BRSK2: variants seen among roughly 807,000 people sequenced by gnomAD.
BRSK2 encodes serine/threonine-protein kinase BRSK2.
A neutral mutation model predicts 83.3 loss-of-function variants in BRSK2; 19 were observed. The observed-to-expected ratio is 0.23, with a 90% CI of 0.16 to 0.33. The LOEUF is 0.33. BRSK2 is among the 10% of genes least tolerant of loss of function. The probability of loss-of-function intolerance (pLI) is 1.00; values close to 1 mark genes in which losing one functional copy is unlikely to be tolerated. For synonymous variants in BRSK2, 519 were observed against 435.4 expected, an observed-to-expected ratio of 1.19 and a Z score of -2.39; for missense variants, 798 against 1,042.3, an observed-to-expected ratio of 0.77 and a Z score of 3.23.
chr11:1,448,548 G>A (rs1466925844), intron 12 of BRSK2, among the ~76,000 whole-genome samples: 3 of 151,818 alleles, frequency 2.0e-5, no homozygotes, highest in South Asian at 2.1e-4. Context: ...CCTCCACCCC[G>A]GGGTTTCCAG....
chr11:1,416,927 A>G (rs1423586990), intron 1 of BRSK2, among the ~76,000 whole-genome samples: 2 of 152,082 alleles, frequency 1.3e-5, no homozygotes, highest in African/African-American at 4.8e-5. Context: ...TTGGGAGGTC[A>G]AGGAGGGCGG....
chr11:1,398,756 C>T (rs1012654573), intron 1 of BRSK2, among the ~76,000 whole-genome samples: 1 of 152,048 alleles, frequency 6.6e-6, no homozygotes, highest in Admixed American at 6.5e-5. Flanking sequence ...CAGGCCCTGC[C>T]GGTGTGGCTT....
At chr11:1,392,001 G>A (rs1055827116) in intron 1 of BRSK2, among the ~76,000 whole-genome samples, 6 of 152,184 alleles carry the variant, frequency 3.9e-5, no homozygotes, top group Non-Finnish European at 7.3e-5. Context: ...CGTGCTGAGA[G>A]AGATATTTAG....
In BRSK2 at chr11:1,456,335, T is replaced by G. The variant is rs1162543773; in HGVS notation, c.1669-13T>G. 2.6e-6 allele frequency: 4 copies of G among 1,546,926 alleles called. No individual in the cohort carries two copies. The East Asian group carries it at 9.7e-5, about 38-fold the overall frequency. ...GCCAGGCCAGCCACGCTCACGCTGCTCTCTCTCCACAGATTCCCAGTCTCA... is the reference window on the plus strand; with the variant it reads ...GCCAGGCCAGCCACGCTCACGCTGCGCTCTCTCCACAGATTCCCAGTCTCA... On this transcript the variant is annotated splice_polypyrimidine_tract_variant and intron_variant, in intron 16 of 19. Coordinates refer to ENST00000528841, the MANE Select transcript of BRSK2 (RefSeq NM_001256627.2).
chr11:1,437,612 C>G (rs373194458), intron 2 of BRSK2, among the ~76,000 whole-genome samples: 1 of 152,200 alleles, frequency 6.6e-6, no homozygotes, highest in Non-Finnish European at 1.5e-5. Context: ...GGCACGTGCC[C>G]TGCCCACGGC....
chr11:1,434,570 G>C (rs1230984900), intron 1 of BRSK2, among the ~76,000 whole-genome samples: 7 of 134,320 alleles, frequency 5.2e-5, no homozygotes, highest in East Asian at 2.2e-4. Context: ...GCCGGCTCTG[G>C]GTGTCTGGGG....
rs563658060 is a variant in BRSK2, at chr11:1,423,170, G to A, written c.92-12870G>A. Among the ~76,000 whole-genome samples, 29 of 152,214 alleles carry A rather than the reference G, an allele frequency of 1.9e-4. No individual in the cohort carries two copies. Among genetic ancestry groups the A allele is most frequent in the Admixed American group, 2.6e-4 (4 of 15,292 alleles). ...AGGGCCTCCCCCAGAGCGGTGCCTC[G>A]TGGGGGATGCGGTGCCTCGTGGGGG... On this transcript the variant is annotated intron_variant, in intron 1 of 19. Transcript: ENST00000528841. The surrounding 1 kb of genome is among the most constrained non-coding windows in gnomAD (Gnocchi z 6.5).
In BRSK2 at chr11:1,445,725, G is replaced by A. The variant is rs374069041; in HGVS notation, c.1076-32G>A. ...CTGCACTGCCCCACCGGGGTCCGGG[G>A]GCTGTCTGGCCTGACCTTCGTCTGT... On this transcript the variant is annotated intron_variant, in intron 11 of 19. Transcript: ENST00000528841. 1.6e-5 allele frequency: 26 copies of A among 1,610,876 alleles called. No individual in the cohort carries two copies. In the African/African-American group the frequency reaches 2.1e-4, roughly 13 times the overall value.
chr11:1,440,441 C>T (rs1392112587), intron 3 of BRSK2, among the ~76,000 whole-genome samples: 1 of 152,084 alleles, frequency 6.6e-6, no homozygotes, highest in Non-Finnish European at 1.5e-5. Context: ...CGAGGCTACC[C>T]CATGCACCGA....
chr11:1,398,075 G>A (rs1399352349), intron 1 of BRSK2, among the ~76,000 whole-genome samples: 1 of 151,894 alleles, frequency 6.6e-6, no homozygotes, highest in Non-Finnish European at 1.5e-5. Flanking sequence ...GTCCAGCTGT[G>A]GGTGGTTTGC....
chr11:1,446,612 T>G (rs1852161781), intron 12 of BRSK2, among the ~76,000 whole-genome samples: 2 of 151,810 alleles, frequency 1.3e-5, no homozygotes, highest in Admixed American at 6.6e-5. Flanking sequence ...TCAGCAGTGA[T>G]GAGCAGACCC....
rs117201413 is a variant in BRSK2, at chr11:1,414,167, G to A, written c.92-21873G>A. 9.2e-5 allele frequency among the ~76,000 whole-genome samples: 14 copies of A among 152,338 alleles called. No homozygotes were observed. In the East Asian group the frequency reaches 2.3e-3, roughly 25 times the overall value. The stretch of plus-strand genomic sequence containing the variant: ...TTCTGTACGAACTAGGATTTGTGCT[G>A]GTCAAAAATACCACACCCCAAAGTT... On this transcript the variant is annotated intron_variant, in intron 1 of 19. Coordinates refer to ENST00000528841, the MANE Select transcript of BRSK2 (RefSeq NM_001256627.2).
intron 2 of BRSK2, 115 bp downstream of exon 2, chr11:1,436,249 G>GGGGGGGGGGGGGGGGGGGGGC: frequency 3.8e-6 from 1 of 265,874 alleles, no homozygotes; most frequent in Non-Finnish European, 6.5e-6. Flanking sequence ...TGGGGGGGCG[G>GGGGGGGGGGGGGGGGGGGGGC]GCCCTGCAGG....
intron 18 of BRSK2, among the ~76,000 whole-genome samples, chr11:1,458,407 G>A (rs750328337): frequency 6.6e-5 from 10 of 151,068 alleles, no homozygotes; most frequent in Non-Finnish European, 1.2e-4. Context: ...TGTGGACTTG[G>A]GGAGCCCAGC....
At chr11:1,397,829 G>A (rs1315512049) in intron 1 of BRSK2, among the ~76,000 whole-genome samples, 1 of 152,228 alleles carries the variant, frequency 6.6e-6, no homozygotes, top group Non-Finnish European at 1.5e-5. Flanking sequence ...CTTCTGGGAT[G>A]GAGCTGGGCT....
At chr11:1,455,240 G>A (rs563368583) in intron 16 of BRSK2, among the ~76,000 whole-genome samples, 29 of 152,144 alleles carry the variant, frequency 1.9e-4, no homozygotes, top group South Asian at 1.2e-3. Context: ...CCATCAGGAC[G>A]CCCCTTCCTT....
chr11:1,407,764 T>C (rs1846994913), intron 1 of BRSK2, among the ~76,000 whole-genome samples: 1 of 152,252 alleles, frequency 6.6e-6, no homozygotes, highest in South Asian at 2.1e-4. Context: ...CGTGATCAAC[T>C]GGCTCCGCTG....
intron 1 of BRSK2, among the ~76,000 whole-genome samples, chr11:1,391,023 C>G (rs1427297601): frequency 6.6e-6 from 1 of 152,184 alleles, no homozygotes; most frequent in Non-Finnish European, 1.5e-5. Flanking sequence ...TGGGACCTGA[C>G]CCGTGGAGCA....
rs374861632 is a variant in BRSK2, at chr11:1,436,095, C to A, written c.147C>A (p.Ile49=). The A allele has an allele frequency of 8.7e-6, 14 of 1,601,506 alleles. No homozygotes were observed. The highest frequency in any genetic ancestry group is 1.2e-5 in the Non-Finnish European group (14 of 1,175,046). The change falls in exon 2 of 20, where the codon ATC becomes ATA. Residue 49 remains isoleucine (I), a synonymous_variant. Coordinates refer to ENST00000528841, the MANE Select transcript of BRSK2 (RefSeq NM_001256627.2). Reference sequence around the variant, plus strand: ...CCTGCCAGAAGGTGGCCATCAAGATCGTCAACCGTGAGAAGCTCAGCGAGT... The same window carrying A: ...CCTGCCAGAAGGTGGCCATCAAGATAGTCAACCGTGAGAAGCTCAGCGAGT... ...CVTCQKVAIK[I]VNREKLSESV...
Sources: gnomAD v4.1 joint callset for allele counts (sites outside exome capture counted in the v4.1 genomes callset) on GRCh38, gnomAD v4.1.1 for gene constraint, Gnocchi (gnomAD v3.1) non-coding constraint, MANE v1.5 for transcripts, NCBI Gene and HGNC (gene_info 2026-07-23, HGNC 2026-07-21) for gene names.